GRIK1: variants seen among roughly 807,000 people sequenced by gnomAD.
GRIK1 encodes glutamate receptor ionotropic, kainate 1.
Under a neutral mutation model 105.7 loss-of-function variants are expected in GRIK1, and 69 were observed. The ratio of observed to expected loss-of-function variants is 0.65; its 90% CI spans 0.54 to 0.80. GRIK1 has a LOEUF of 0.80. Ranked by LOEUF, GRIK1 falls within the 30% of genes least tolerant of loss-of-function variation. The pLI is 0.00. For missense variants in GRIK1, 1,109 were observed against 1,167.3 expected (o/e 0.95, Z 0.73); for synonymous variants, 438 against 431.3 (o/e 1.02, Z -0.19).
chr21:29,864,292 C>T (rs184905411), intron 1 of GRIK1, among the ~76,000 whole-genome samples: 2 of 152,226 alleles, frequency 1.3e-5, no homozygotes, highest in Non-Finnish European at 2.9e-5. Context: ...CACAAAAAGT[C>T]TGATGTTATT....
At chr21:29,707,606 C>G (rs1283959053) in intron 1 of GRIK1, among the ~76,000 whole-genome samples, 1 of 152,000 alleles carries the variant, frequency 6.6e-6, no homozygotes, top group African/African-American at 2.4e-5. Context: ...AGTGATTCTC[C>G]TGCCTCAGCC....
At chr21:29,548,339 TTGATTTTCTTAGAAAAAGCAAAAA>T (rs1197854410) in intron 16 of GRIK1, among the ~76,000 whole-genome samples, 29 of 152,336 alleles carry the variant, frequency 1.9e-4, no homozygotes, top group Admixed American at 1.5e-3. Context: ...CTTAGAAAAT[TTGATTTTCTTAGAAAAAGCAAAAA>T]TGATTTTCTT....
At chr21:29,738,895 A>T (rs1223587436) in intron 1 of GRIK1, among the ~76,000 whole-genome samples, 1 of 152,236 alleles carries the variant, frequency 6.6e-6, no homozygotes, top group Non-Finnish European at 1.5e-5. Flanking sequence ...AGCCTTTTGT[A>T]ATGTCTTCAA....
At chr21:29,665,364 T>G (rs1384112289) in intron 4 of GRIK1, among the ~76,000 whole-genome samples, 2 of 152,218 alleles carry the variant, frequency 1.3e-5, no homozygotes, top group Non-Finnish European at 2.9e-5. Context: ...TAGATTTTAA[T>G]ATCAGCCTGA....
chr21:29,881,945 C>T (rs1349520112), intron 1 of GRIK1, among the ~76,000 whole-genome samples: 1 of 152,062 alleles, frequency 6.6e-6, no homozygotes, highest in Non-Finnish European at 1.5e-5. Flanking sequence ...TTTTTCTATT[C>T]ACTATGCTCG....
chr21:29,584,857 C>G (rs2091096524), intron 12 of GRIK1, among the ~76,000 whole-genome samples: 2 of 152,228 alleles, frequency 1.3e-5, no homozygotes, highest in Non-Finnish European at 2.9e-5. Flanking sequence ...GTAAAGGTGA[C>G]TTGGTACATC....
Position 29,555,143 on chromosome 21 carries a change from A to C in GRIK1, c.2516T>G (p.Phe839Cys). The change falls in exon 16 of 18, where the codon TTC becomes TGC. Residue 839 changes from phenylalanine to cysteine, a missense_variant. Physicochemically the swap from Phe to Cys is radical, Grantham distance 205. Coordinates refer to ENST00000327783, the MANE Select transcript of GRIK1 (RefSeq NM_001330994.2). ...GACCAGTCCGGCAGCCAGAACAATG[A>C]AGATGCCTCCAATATTTTCCACTCC... ...ALGVENIGGI[F>C]IVLAAGLVLS... 1 of 1,613,884 alleles carries C rather than the reference A, an allele frequency of 6.2e-7. No individual in the cohort carries two copies. Among genetic ancestry groups the C allele is most frequent in the Non-Finnish European group, 8.5e-7 (1 of 1,179,784 alleles).
intron 14 of GRIK1, among the ~76,000 whole-genome samples, chr21:29,566,333 AAG>A (rs2090609819): frequency 6.6e-6 from 1 of 152,190 alleles, no homozygotes; most frequent in Non-Finnish European, 1.5e-5. Flanking sequence ...TTCTTAGCAA[AAG>A]TTGCTAAAAC....
intron 1 of GRIK1, among the ~76,000 whole-genome samples, chr21:29,847,452 G>T (rs1157009200): frequency 6.6e-6 from 1 of 152,120 alleles, no homozygotes; most frequent in Non-Finnish European, 1.5e-5. Flanking sequence ...AAAATTAGCT[G>T]GGCGTGGTAG....
At chr21:29,937,525 A>G (rs2071806495) in intron 1 of GRIK1, among the ~76,000 whole-genome samples, 1 of 152,238 alleles carries the variant, frequency 6.6e-6, no homozygotes, top group African/African-American at 2.4e-5. Flanking sequence ...TGGAGCTTAG[A>G]AAAATACTGA....
intron 2 of GRIK1, among the ~76,000 whole-genome samples, chr21:29,690,311 A>G (rs1431917261): frequency 6.6e-6 from 1 of 152,048 alleles, no homozygotes; most frequent in East Asian, 1.9e-4. Flanking sequence ...ACCTGAAAGC[A>G]CTCCTAGTTA....
chr21:29,642,139 A>C (rs1223948443), intron 7 of GRIK1, among the ~76,000 whole-genome samples: 1 of 152,168 alleles, frequency 6.6e-6, no homozygotes, highest in Admixed American at 6.5e-5. Context: ...GGAATGGATG[A>C]TCATGCAGTG....
At chr21:29,903,982 G>C (rs1233209823) in intron 1 of GRIK1, among the ~76,000 whole-genome samples, 1 of 152,166 alleles carries the variant, frequency 6.6e-6, no homozygotes, top group East Asian at 1.9e-4. Context: ...CAGGGACATG[G>C]ATGAAGCTGG....
chr21:29,802,095 C>T (rs1008092702), intron 1 of GRIK1, among the ~76,000 whole-genome samples: 5 of 152,134 alleles, frequency 3.3e-5, no homozygotes, highest in African/African-American at 1.2e-4. Flanking sequence ...GGAAAAAGCT[C>T]CCCTCAACTG....
chr21:29,699,114 C>T (rs1419397975), intron 1 of GRIK1, among the ~76,000 whole-genome samples: 1 of 152,112 alleles, frequency 6.6e-6, no homozygotes, highest in East Asian at 1.9e-4. Flanking sequence ...CACATATGGT[C>T]ACTAAACAAA....
chr21:29,920,854 C>T (rs1007437954), intron 1 of GRIK1, among the ~76,000 whole-genome samples: 2 of 151,444 alleles, frequency 1.3e-5, no homozygotes, highest in South Asian at 4.1e-4. Context: ...AGTGTTTTGC[C>T]ATGAGTCCTC....
chr21:29,602,744 G>A (rs1399666137), intron 7 of GRIK1, among the ~76,000 whole-genome samples: 1 of 152,194 alleles, frequency 6.6e-6, no homozygotes, highest in African/African-American at 2.4e-5. Context: ...AGCCTAGGAA[G>A]GCAAGTAGTC....
intron 14 of GRIK1, 60 bp from the exon 15 acceptor site, chr21:29,561,909 G>T (rs927540387): frequency 2.2e-6 from 2 of 909,566 alleles, no homozygotes; most frequent in African/African-American, 1.6e-5. Context: ...CGACCTAAAG[G>T]TATTCAAAGT....
At chr21:29,625,327 T>G (rs903972239) in intron 7 of GRIK1, among the ~76,000 whole-genome samples, 3 of 152,200 alleles carry the variant, frequency 2.0e-5, no homozygotes, top group South Asian at 2.1e-4. Context: ...AGAGGTTTTG[T>G]CAGGTGATTT....
Sources: gnomAD v4.1 joint callset for allele counts (sites outside exome capture counted in the v4.1 genomes callset) on GRCh38, gnomAD v4.1.1 for gene constraint, MANE v1.5 for transcripts, NCBI Gene and HGNC (gene_info 2026-07-23, HGNC 2026-07-21) for gene names.